PTPRT: variants seen among roughly 807,000 people sequenced by gnomAD.
The protein encoded by PTPRT is protein tyrosine phosphatase receptor type T.
PTPRT carries 56 observed loss-of-function variants against 176.8 expected under a neutral mutation model. The ratio of observed to expected loss-of-function variants is 0.32; its 90% confidence interval spans 0.26 to 0.40. The LOEUF is 0.40. Among genes scored for constraint, PTPRT ranks in the 10% least tolerant of loss-of-function variants. The pLI is 1.00. For missense variants in PTPRT, 1,540 were observed against 1,908.2 expected, an observed-to-expected ratio of 0.81 and a Z score of 3.60; for synonymous variants, 783 against 739.0, an observed-to-expected ratio of 1.06 and a Z score of -0.96.
At chr20:42,219,031 A>C (rs2055828227) in intron 15 of PTPRT, among the ~76,000 whole-genome samples, 1 of 152,150 alleles carries the variant, frequency 6.6e-6, no homozygotes, top group Non-Finnish European at 1.5e-5. Context: ...AAGAATAAAC[A>C]GAAATGCTCC....
chr20:42,215,140 T>C (rs1379357998), intron 15 of PTPRT, among the ~76,000 whole-genome samples: 2 of 152,170 alleles, frequency 1.3e-5, no homozygotes, highest in African/African-American at 2.4e-5. Context: ...CCAGAATTCA[T>C]GGTTCAGACA....
chr20:42,700,419 C>A (rs555737459), intron 6 of PTPRT, among the ~76,000 whole-genome samples: 1 of 150,904 alleles, frequency 6.6e-6, no homozygotes. Context: ...AGGAAACAGA[C>A]GCAGAGCGCC....
chr20:42,819,170 A>G (rs1312277669), intron 2 of PTPRT, among the ~76,000 whole-genome samples: 1 of 152,224 alleles, frequency 6.6e-6, no homozygotes, highest in Non-Finnish European at 1.5e-5. Context: ...GGTCACCTAC[A>G]AAGGGAAGCC....
chr20:42,991,172 T>C (rs1326200763), intron 1 of PTPRT, among the ~76,000 whole-genome samples: 1 of 152,156 alleles, frequency 6.6e-6, no homozygotes, highest in Non-Finnish European at 1.5e-5. Context: ...TGTAGTTACA[T>C]TTATCGTGTA....
intron 18 of PTPRT, among the ~76,000 whole-genome samples, chr20:42,135,781 C>A (rs1040884177): frequency 4.6e-5 from 7 of 152,136 alleles, no homozygotes; most frequent in African/African-American, 1.7e-4. Flanking sequence ...CATCCCATTT[C>A]ATGAATGAGA....
intron 13 of PTPRT, chr20:42,270,558 G>A (rs2056917465): frequency 1.0e-5 from 9 of 863,360 alleles, no homozygotes; most frequent in Non-Finnish European, 1.7e-5. Flanking sequence ...AATTCTTGTG[G>A]CTCTGAAGAG....
chr20:43,113,689 GATAGA>G (rs2012950410), intron 1 of PTPRT, among the ~76,000 whole-genome samples: 1 of 152,184 alleles, frequency 6.6e-6, no homozygotes, highest in African/African-American at 2.4e-5. Context: ...ACGAACCAAG[GATAGA>G]CTTAAAACTC....
intron 9 of PTPRT, among the ~76,000 whole-genome samples, chr20:42,414,998 T>C (rs984683856): frequency 1.3e-5 from 2 of 152,146 alleles, no homozygotes; most frequent in African/African-American, 2.4e-5. Context: ...AAGGTGAAAC[T>C]GTATGGTAAT....
rs138669154 is a variant in PTPRT at position 42,890,107 on chromosome 20, A to G, written c.89-4175T>C. Among the ~76,000 whole-genome samples the G allele has an allele frequency of 2.6e-3, 397 of 152,276 alleles. 1 individual carries two copies. Among genetic ancestry groups the G allele is most frequent in the African/African-American group, 9.0e-3 (376 of 41,562 alleles). ...ATCTGCACAAGGGGCTGAATGGCCA[A>G]TTTCATGAGACTGTTTCTCATCATC... is the stretch of plus-strand genomic sequence containing the variant. On this transcript the variant is annotated intron_variant, in intron 1 of 30. Transcript: ENST00000373187.
In PTPRT at chr20:42,787,658, C is replaced by T. The variant is rs1348776652; in HGVS notation, c.486+3537G>A. 2.0e-5 allele frequency among the ~76,000 whole-genome samples: 3 copies of T among 152,328 alleles called. No homozygotes were observed. In the East Asian group the frequency reaches 5.8e-4, roughly 29 times the overall value. On this transcript the variant is annotated intron_variant, in intron 3 of 30. Transcript: ENST00000373187. The stretch of plus-strand genomic sequence containing the variant: ...GCAAGATCTGATCCCCTTGTTCACG[C>T]AACTGTGCAGGTAGAGAATATAAGG...
At chr20:42,439,772 C>T (rs1444597204) in intron 9 of PTPRT, among the ~76,000 whole-genome samples, 5 of 152,162 alleles carry the variant, frequency 3.3e-5, no homozygotes, top group Admixed American at 6.6e-5. Context: ...ATATGGATAG[C>T]GCCCCCTCCC....
the PTPRT span, among the ~76,000 whole-genome samples, chr20:42,044,800 T>TC: frequency 2.0e-5 from 3 of 152,194 alleles, no homozygotes; most frequent in Admixed American, 2.0e-4. Flanking sequence ...CTGATTACAT[T>TC]ACAATTCTGG....
chr20:42,596,958 A>C (rs757352681), intron 7 of PTPRT, among the ~76,000 whole-genome samples: 1 of 152,174 alleles, frequency 6.6e-6, no homozygotes, highest in Non-Finnish European at 1.5e-5. Context: ...AATAACTATA[A>C]ATTTAGTGGC....
chr20:42,141,095 C>T (rs1279942536), intron 18 of PTPRT, among the ~76,000 whole-genome samples: 1 of 152,164 alleles, frequency 6.6e-6, no homozygotes, highest in African/African-American at 2.4e-5. Context: ...AAAGGTAAAG[C>T]TCATTGTTGA....
chr20:42,047,965 G>A, the PTPRT span, among the ~76,000 whole-genome samples: 1 of 152,194 alleles, frequency 6.6e-6, no homozygotes, highest in African/African-American at 2.4e-5. Flanking sequence ...TTTGAAGGGT[G>A]AGGGTTGAGG....
chr20:42,085,418 C>G (rs982300131), intron 28 of PTPRT, among the ~76,000 whole-genome samples: 7 of 152,226 alleles, frequency 4.6e-5, no homozygotes, highest in Admixed American at 2.6e-4. Context: ...CAATCAAAGG[C>G]TGCATCAACT....
rs1291373475 is a variant in PTPRT, at chr20:42,791,437, T to C, written c.244A>G (p.Arg82Gly). 6.2e-7 allele frequency: 1 copy of C among 1,613,014 alleles called. No individual in the cohort carries two copies. The highest frequency in any genetic ancestry group is 1.3e-5 in the African/African-American group (1 of 75,052). Residue 82 changes from arginine to glycine, a missense_variant, in exon 3 of 31, where the codon AGA becomes GGA. Arg to Gly is a moderately radical substitution (Grantham distance 125, BLOSUM62 -2). This residue lies in a region of PTPRT where 116 missense variants were observed against 118.5 expected (regional missense o/e 0.98). Transcript: ENST00000373187. ...GSFMMVNSSGRASGQKAHLLL... is the reference protein window; with the variant it reads ...GSFMMVNSSGGASGQKAHLLL... The stretch of plus-strand genomic sequence containing the variant: ...AGGTGGGCCTTCTGGCCAGAGGCTC[T>C]CCCAGAGCTGTTCACCATCATGAAA...
chr20:42,294,685 C>A lies in PTPRT; in HGVS notation c.2140-12160G>T, dbSNP rs536155082. On this transcript the variant is annotated intron_variant, in intron 12 of 30. Transcript: ENST00000373187. ...ACAAATGATGAAAATCTACCCCTAA[C>A]AAGAAAACAGTCTAGAAGTAATATT... Among the ~76,000 whole-genome samples the A allele has an allele frequency of 2.0e-5, 3 of 151,172 alleles. No individual in the cohort carries two copies. In the East Asian group the frequency reaches 5.8e-4, roughly 29 times the overall value.
chr20:42,781,907 A>G (rs552319431), intron 3 of PTPRT, among the ~76,000 whole-genome samples: 89 of 152,200 alleles, frequency 5.8e-4, no homozygotes, highest in Non-Finnish European at 1.2e-3. Flanking sequence ...GCCACTTGCT[A>G]GTTAGTAGTC....
Sources: gnomAD v4.1 joint callset for allele counts (sites outside exome capture counted in the v4.1 genomes callset) on GRCh38, gnomAD v4.1.1 for gene constraint, gnomAD v4.1.1 regional missense constraint, MANE v1.5 for transcripts, NCBI Gene and HGNC (gene_info 2026-07-23, HGNC 2026-07-21) for gene names.